Variants in CTPS2 observed in about 807,000 individuals in gnomAD.
CTPS2 encodes CTP synthase II.
A neutral mutation model predicts 46.8 loss-of-function variants in CTPS2; 19 were observed. The ratio of observed to expected loss-of-function variants is 0.41; its 90% CI spans 0.28 to 0.60. The LOEUF is 0.60. Ranked by LOEUF, CTPS2 falls within the 20% of genes least tolerant of loss-of-function variation. CTPS2 has a pLI of 0.35. For missense variants in CTPS2, 286 were observed against 447.6 expected (o/e 0.64, Z 3.26); for synonymous variants, 151 against 165.2 (o/e 0.91, Z 0.66).
At chrX:16,674,564 C>T (rs1392989144) in intron 10 of CTPS2, among the ~76,000 whole-genome samples, 2 of 111,017 alleles carry the variant, frequency 1.8e-5, no homozygotes, top group East Asian at 2.9e-4. Context: ...GCAGGCCGGG[C>T]ATGGTGGCTC....
At chrX:16,696,673 G>A (rs901748848) in intron 4 of CTPS2, among the ~76,000 whole-genome samples, 1 of 111,356 alleles carries the variant, frequency 9.0e-6, no homozygotes, top group African/African-American at 3.3e-5. Context: ...CCTGTGGATA[G>A]CTACTGCACT....
chrX:16,595,115 A>T (rs1360006587), intron 17 of CTPS2, among the ~76,000 whole-genome samples: 1 of 111,076 alleles, frequency 9.0e-6, no homozygotes, highest in African/African-American at 3.3e-5. Context: ...TTAATTCAAG[A>T]TATCCAGCTC....
At chrX:16,631,604 G>A (rs1383863374) in intron 14 of CTPS2, among the ~76,000 whole-genome samples, 1 of 112,155 alleles carries the variant, frequency 8.9e-6, no homozygotes, top group Non-Finnish European at 1.9e-5. Context: ...TCAAACATGT[G>A]AACTGAAATG....
rs1165339695 is a variant in CTPS2, at chrX:16,615,966, G to A, written c.1546+1184C>T. ...TTTATTTATGGATGCAAATTTGAATGGCATACACTTTTCACATGTCACAGA... is the reference window on the plus strand; with the variant it reads ...TTTATTTATGGATGCAAATTTGAATAGCATACACTTTTCACATGTCACAGA... On this transcript the variant is annotated intron_variant, in intron 16 of 18. Coordinates refer to ENST00000359276, the MANE Select transcript of CTPS2 (RefSeq NM_175859.3). Among the ~76,000 whole-genome samples, 12 of 112,019 alleles carry A rather than the reference G, an allele frequency of 1.1e-4. No individual in the cohort carries two copies. The East Asian group carries it at 2.8e-3, about 26-fold the overall frequency.
intron 15 of CTPS2, among the ~76,000 whole-genome samples, chrX:16,617,524 T>A (rs929607088): frequency 3.6e-5 from 4 of 112,181 alleles, no homozygotes; most frequent in African/African-American, 1.3e-4. Context: ...ACCTTGAGAC[T>A]AGTTATTTAT....
rs187672965 is a variant in CTPS2, at chrX:16,664,480, G to A, written c.1296+3034C>T. ...GTGAAGAATGCTTCTATGTGCTTCC[G>A]TGGGGTGATCTCCAGCATACAGTGT... On this transcript the variant is annotated intron_variant, in intron 13 of 18. Coordinates refer to ENST00000359276, the MANE Select transcript of CTPS2 (RefSeq NM_175859.3). 2.5e-3 allele frequency among the ~76,000 whole-genome samples: 278 copies of A among 111,625 alleles called. 1 individual carries two copies. The highest frequency in any genetic ancestry group is 8.2e-3 in the African/African-American group (254 of 30,819).
At chrX:16,627,917 C>T (rs959540330) in intron 14 of CTPS2, among the ~76,000 whole-genome samples, 2 of 111,597 alleles carry the variant, frequency 1.8e-5, no homozygotes, top group Admixed American at 9.6e-5. Flanking sequence ...TGATTAAGGT[C>T]CAGCCGTTTG....
intron 13 of CTPS2, among the ~76,000 whole-genome samples, chrX:16,666,190 G>A (rs1921164128): frequency 8.9e-6 from 1 of 112,346 alleles, no homozygotes; most frequent in African/African-American, 3.2e-5. Context: ...GACTGGGTGT[G>A]CATGGGTGGC....
Position 16,589,078 on chromosome X carries a change from T to C in CTPS2, c.*739A>G. On this transcript the variant is annotated 3_prime_UTR_variant, in exon 19 of 19. Coordinates refer to ENST00000359276, the MANE Select transcript of CTPS2 (RefSeq NM_175859.3). The stretch of plus-strand genomic sequence containing the variant: ...CTTTAGGCTATGTATATAAGGTGTA[T>C]ATGAAGCATAAATGAATTTCATGTT... 1 of 112,493 alleles carries C rather than the reference T, an allele frequency of 8.9e-6. No individual in the cohort carries two copies. Among genetic ancestry groups the C allele is most frequent in the East Asian group, 2.8e-4 (1 of 3,596 alleles). The allele number at this position is 112,493 out of a possible 1,213,427, so 9.3% of individuals were successfully genotyped here.
intron 8 of CTPS2, among the ~76,000 whole-genome samples, chrX:16,684,525 A>AC (rs1445651910): frequency 2.8e-5 from 3 of 108,788 alleles, no homozygotes; most frequent in Admixed American, 9.9e-5. Context: ...AAAAAAAAAA[A>AC]AAACAAAAAC....
rs1931904181 is a variant in CTPS2, at chrX:16,638,944, G to A, written c.1393+203C>T. 9 of 538,646 alleles carry A rather than the reference G, an allele frequency of 1.7e-5. No homozygotes were observed. In the East Asian group the frequency reaches 3.2e-4, roughly 19 times the overall value. The allele number at this position is 538,646 out of a possible 1,213,427, so 44.4% of individuals were successfully genotyped here. A position where few individuals can be genotyped will look rare whatever the true frequency, so the allele number is the denominator to read the frequency against. ...CATTCAGTGTGTTCTACTGAGGCCA[G>A]CCCAAGGGACAAGCTTACTAGGGAG... On this transcript the variant is annotated intron_variant, in intron 14 of 18. Transcript: ENST00000359276.
At chrX:16,701,567 A>C (rs1435579550) in intron 2 of CTPS2, among the ~76,000 whole-genome samples, 1 of 108,835 alleles carries the variant, frequency 9.2e-6, no homozygotes, top group African/African-American at 3.3e-5. Flanking sequence ...CTCAAAAAAC[A>C]AAAACAGGAA....
chrX:16,593,025 T>C (rs1458991340), intron 17 of CTPS2, among the ~76,000 whole-genome samples: 2 of 111,475 alleles, frequency 1.8e-5, no homozygotes, highest in African/African-American at 6.5e-5. Flanking sequence ...AGCACACTGA[T>C]CTACTCCACT....
intron 8 of CTPS2, 92 bp downstream of exon 8, chrX:16,689,358 A>T: frequency 1.1e-6 from 1 of 938,403 alleles, no homozygotes; most frequent in Middle Eastern, 3.2e-4. Flanking sequence ...GCAAAATGCC[A>T]AATACACACG....
intron 14 of CTPS2, among the ~76,000 whole-genome samples, chrX:16,634,496 C>T (rs1483616409): frequency 8.9e-6 from 1 of 111,982 alleles, no homozygotes; most frequent in East Asian, 2.8e-4. Context: ...TCTAGGAACA[C>T]ACTGCTTATA....
intron 13 of CTPS2, 144 bp downstream of exon 13, chrX:16,667,370 G>C (rs987879174): frequency 5.2e-6 from 3 of 578,406 alleles, no homozygotes; most frequent in Non-Finnish European, 8.7e-6. Context: ...CTAACCTCAA[G>C]TGATCCGCCC....
chrX:16,658,312 C>T (rs912709042), intron 13 of CTPS2, among the ~76,000 whole-genome samples: 1 of 110,393 alleles, frequency 9.1e-6, no homozygotes, highest in Non-Finnish European at 1.9e-5. Context: ...TCTAATTCAA[C>T]ACAAGAGCAT....
Position 16,635,597 on chromosome X carries a change from C to G in CTPS2, c.1393+3550G>C, listed in dbSNP as rs138579316. The stretch of plus-strand genomic sequence containing the variant: ...GCTGAGGCAGGAGAATCACTTGAAC[C>G]TGGGAGACGGAGGTTGCAGTGAGCC... On this transcript the variant is annotated intron_variant, in intron 14 of 18. Coordinates refer to ENST00000359276, the MANE Select transcript of CTPS2 (RefSeq NM_175859.3). Among the ~76,000 whole-genome samples the G allele has an allele frequency of 3.6e-3, 400 of 111,904 alleles. 2 individuals carry two copies. The highest frequency in any genetic ancestry group is 0.012 in the African/African-American group (362 of 30,775).
intron 13 of CTPS2, among the ~76,000 whole-genome samples, chrX:16,645,199 TA>T (rs1295132850): frequency 4.6e-5 from 5 of 108,379 alleles, no homozygotes; most frequent in Non-Finnish European, 9.6e-5. Context: ...TTCACCGTGT[TA>T]GCCAGGATGG....
Sources: gnomAD v4.1 joint callset for allele counts (sites outside exome capture counted in the v4.1 genomes callset) on GRCh38, gnomAD v4.1.1 for gene constraint, MANE v1.5 for transcripts, NCBI Gene and HGNC (gene_info 2026-07-23, HGNC 2026-07-21) for gene names.